The following FREM2 variants were observed in gnomAD, a reference collection of about 807,000 sequenced individuals.
FREM2 encodes the protein FRAS1 related extracellular matrix 2, also known as FRAS1-related extracellular matrix protein 2.
Under a neutral mutation model 219.9 loss-of-function variants are expected in FREM2, and 119 were observed. The observed-to-expected ratio is 0.54, with a 90% confidence interval of 0.47 to 0.63. FREM2 has a LOEUF of 0.63. Among genes scored for constraint, FREM2 ranks in the 30% least tolerant of loss-of-function variants. FREM2 has a pLI of 0.00. For synonymous variants in FREM2, 1,562 were observed against 1,522.8 expected, an observed-to-expected ratio of 1.03 and a Z score of -0.60; for missense variants, 4,030 against 3,993.6, an observed-to-expected ratio of 1.01 and a Z score of -0.25.
intron 6 of FREM2, among the ~76,000 whole-genome samples, chr13:38,797,940 T>A (rs963783135): frequency 9.2e-5 from 14 of 152,094 alleles, no homozygotes; most frequent in Non-Finnish European, 8.8e-5. Flanking sequence ...TGACTTACTT[T>A]TTTTCCAGTT....
In FREM2 at chr13:38,714,675, C is replaced by T. The variant is rs763427960; in HGVS notation, c.5263+16888C>T. On this transcript the variant is annotated intron_variant, in intron 2 of 23. Coordinates refer to ENST00000280481, the MANE Select transcript of FREM2 (RefSeq NM_207361.6). Reference sequence around the variant, plus strand: ...AGATTTGATTATTCCACAATATATACATACTTCAACGTATACACATTTGGT... The same window carrying T: ...AGATTTGATTATTCCACAATATATATATACTTCAACGTATACACATTTGGT... 3.3e-5 allele frequency among the ~76,000 whole-genome samples: 5 copies of T among 152,230 alleles called. No individual in the cohort carries two copies. In the East Asian group the frequency reaches 5.8e-4, roughly 18 times the overall value.
chr13:38,755,573 T>C (rs999944948), intron 2 of FREM2, among the ~76,000 whole-genome samples: 3 of 152,064 alleles, frequency 2.0e-5, no homozygotes, highest in East Asian at 1.9e-4. Flanking sequence ...ACACTACACT[T>C]TGAATCCCTA....
chr13:38,692,505 C>G lies in FREM2; in HGVS notation c.5161C>G (p.Gln1721Glu), dbSNP rs1566106667. 6.2e-7 allele frequency: 1 copy of G among 1,610,790 alleles called. No individual in the cohort carries two copies. The highest frequency in any genetic ancestry group is 8.5e-7 in the Non-Finnish European group (1 of 1,179,998). Residue 1721 changes from glutamine (Q) to glutamate (E), a missense_variant, in exon 1 of 24, where the codon CAG becomes GAG. Around this residue, in one of 2 missense-constraint regions of FREM2, gnomAD observed 3,102 missense variants for 2,950.7 expected, o/e 1.05. Coordinates refer to ENST00000280481, the MANE Select transcript of FREM2 (RefSeq NM_207361.6). The stretch of plus-strand genomic sequence containing the variant: ...GGACAAAGGCAACCACAGCATCACT[C>G]AGTTCACACAAGGTATGTTTCATGT... ...NLDKGNHSITQFTQADIDDMK... is the reference protein window; with the variant it reads ...NLDKGNHSITEFTQADIDDMK...
chr13:38,820,356 C>T (rs187314021), intron 6 of FREM2, among the ~76,000 whole-genome samples: 191 of 152,174 alleles, frequency 1.3e-3, no homozygotes, highest in African/African-American at 4.3e-3. Flanking sequence ...AAAGTGAATG[C>T]TGGCCATGCA....
intron 20 of FREM2, among the ~76,000 whole-genome samples, chr13:38,876,670 T>C (rs1207429326): frequency 6.6e-6 from 1 of 152,182 alleles, no homozygotes; most frequent in Non-Finnish European, 1.5e-5. Flanking sequence ...TCTTGGAGAT[T>C]TGAGAATTTT....
At chr13:38,790,364 A>AT (rs967715113) in intron 6 of FREM2, among the ~76,000 whole-genome samples, 6 of 150,006 alleles carry the variant, frequency 4.0e-5, no homozygotes, top group South Asian at 4.2e-4. Context: ...CTAGTACTCT[A>AT]TTTTTTTTTC....
chr13:38,852,231 G>T (rs927844086), intron 11 of FREM2, among the ~76,000 whole-genome samples: 1 of 152,140 alleles, frequency 6.6e-6, no homozygotes, highest in African/African-American at 2.4e-5. Flanking sequence ...AGAACAAGCA[G>T]TATTTGACTT....
intron 2 of FREM2, among the ~76,000 whole-genome samples, chr13:38,711,721 TA>T (rs1168806092): frequency 6.6e-6 from 1 of 152,148 alleles, no homozygotes; most frequent in Non-Finnish European, 1.5e-5. Context: ...CCAAAAAATT[TA>T]AAAGCACTTT....
At chr13:38,701,207 A>T (rs1276042758) in intron 2 of FREM2, among the ~76,000 whole-genome samples, 1 of 152,106 alleles carries the variant, frequency 6.6e-6, no homozygotes, top group Non-Finnish European at 1.5e-5. Flanking sequence ...GTGATATCAG[A>T]ATAAGGCACT....
chr13:38,739,609 A>G (rs536929666), intron 2 of FREM2, among the ~76,000 whole-genome samples: 3 of 152,010 alleles, frequency 2.0e-5, no homozygotes, highest in Non-Finnish European at 2.9e-5. Flanking sequence ...CAAACTCCCA[A>G]ATTTTCCAGG....
chr13:38,756,561 T>G (rs952378380), intron 2 of FREM2, among the ~76,000 whole-genome samples: 3 of 130,836 alleles, frequency 2.3e-5, no homozygotes, highest in African/African-American at 5.9e-5. Context: ...GGAGTGTCAC[T>G]CTGTCGCCCA....
chr13:38,801,324 T>C (rs888811384), intron 6 of FREM2, among the ~76,000 whole-genome samples: 4 of 152,244 alleles, frequency 2.6e-5, no homozygotes, highest in Non-Finnish European at 2.9e-5. Flanking sequence ...TTTAATTCTT[T>C]GGGATTTTGT....
chr13:38,832,911 C>T (rs1876565905), intron 6 of FREM2, among the ~76,000 whole-genome samples: 1 of 151,940 alleles, frequency 6.6e-6, no homozygotes, highest in Non-Finnish European at 1.5e-5. Context: ...TGGTCATGCA[C>T]GCTTGTAGTC....
Position 38,773,648 on chromosome 13 carries a change from C to G in FREM2, c.5641+3840C>G, listed in dbSNP as rs536682139. Among the ~76,000 whole-genome samples, 17 of 152,124 alleles carry G rather than the reference C, an allele frequency of 1.1e-4. No individual in the cohort carries two copies. The East Asian group carries it at 2.7e-3, about 24-fold the overall frequency. Reference sequence around the variant, plus strand: ...GTCTTACTATGTTGCCCAGGCTGGTCTTGAACTCCTGGCCTCAAGTGGTCC... The same window carrying G: ...GTCTTACTATGTTGCCCAGGCTGGTGTTGAACTCCTGGCCTCAAGTGGTCC... On this transcript the variant is annotated intron_variant, in intron 4 of 23. Coordinates refer to ENST00000280481, the MANE Select transcript of FREM2 (RefSeq NM_207361.6).
rs1476350302 is a variant in FREM2, at chr13:38,689,038, C to G, written c.1694C>G (p.Ala565Gly). The change falls in exon 1 of 24, where the codon GCC becomes GGC. Residue 565 changes from alanine to glycine, a missense_variant. Physicochemically the swap from Ala to Gly is moderately conservative, Grantham distance 60. Around this residue, in one of 2 missense-constraint regions of FREM2, gnomAD observed 3,102 missense variants for 2,950.7 expected, o/e 1.05. Transcript: ENST00000280481. ...PVDDQPPVLN[A>G]NTGLTLAEGE... The stretch of plus-strand genomic sequence containing the variant: ...GATGACCAGCCACCTGTTCTCAATG[C>G]CAACACGGGGCTGACACTGGCAGAG... 1.2e-6 allele frequency: 2 copies of G among 1,613,712 alleles called. No homozygotes were observed. The highest frequency in any genetic ancestry group is 4.5e-5 in the East Asian group (2 of 44,852).
chr13:38,692,067 G>T lies in FREM2; in HGVS notation c.4723G>T (p.Val1575Leu), dbSNP rs750702508. 6.2e-7 allele frequency: 1 copy of T among 1,614,040 alleles called. No individual in the cohort carries two copies. The highest frequency in any genetic ancestry group is 8.5e-7 in the Non-Finnish European group (1 of 1,180,036). The change falls in exon 1 of 24, where the codon GTG becomes TTG. Residue 1575 changes from valine (V) to leucine (L), a missense_variant. By Grantham distance (32) the Val-to-Leu change is conservative. Coordinates refer to ENST00000280481, the MANE Select transcript of FREM2 (RefSeq NM_207361.6). ...GCTCCTGAAATTCACTATCACCCAGGTGCCTATTCATGGCCATCTCCTATT... is the reference window on the plus strand; with the variant it reads ...GCTCCTGAAATTCACTATCACCCAGTTGCCTATTCATGGCCATCTCCTATT... ...DKLLKFTITQ[V>L]PIHGHLLFNN...
At chr13:38,849,589 A>G (rs950457288) in intron 8 of FREM2, among the ~76,000 whole-genome samples, 10 of 152,176 alleles carry the variant, frequency 6.6e-5, no homozygotes, top group Non-Finnish European at 1.2e-4. Flanking sequence ...CCTATTGTCA[A>G]TGAGCCCTAT....
chr13:38,851,565 G>C, intron 10 of FREM2, 121 bp from the exon 11 acceptor site: 2 of 799,566 alleles, frequency 2.5e-6, no homozygotes, highest in South Asian at 3.1e-5. Context: ...TGAGGGGACA[G>C]AGAGAAGCCA....
intron 2 of FREM2, among the ~76,000 whole-genome samples, chr13:38,747,617 G>A (rs940400681): frequency 6.6e-6 from 1 of 151,886 alleles, no homozygotes; most frequent in Non-Finnish European, 1.5e-5. Context: ...GTCAATAAAG[G>A]TATTTTCCAA....
Sources: allele counts gnomAD v4.1 joint callset (sites outside exome capture counted in the v4.1 genomes callset), GRCh38; gene constraint gnomAD v4.1.1; regional missense constraint gnomAD v4.1.1; transcripts MANE v1.5; gene names NCBI Gene and HGNC (gene_info 2026-07-23, HGNC 2026-07-21).